Variants in TNFRSF8 observed in about 807,000 individuals in gnomAD.
The protein encoded by TNFRSF8 is TNF receptor superfamily member 8.
A neutral mutation model predicts 70.8 loss-of-function variants in TNFRSF8; 26 were observed. The ratio of observed to expected loss-of-function variants is 0.37; its 90% CI spans 0.27 to 0.51. The LOEUF (loss-of-function observed/expected upper bound fraction) is 0.51. TNFRSF8 is among the 20% of genes least tolerant of loss of function. TNFRSF8 has a pLI of 0.94. For missense variants in TNFRSF8, 720 were observed against 807.9 expected, an observed-to-expected ratio of 0.89 and a Z score of 1.32; for synonymous variants, 356 against 339.2, an observed-to-expected ratio of 1.05 and a Z score of -0.54.
chr1:12,110,035 C>T lies in TNFRSF8; in HGVS notation c.513-6C>T, dbSNP rs758625940. ...TTATCAGTCCCATCTCTGGCTTCTT[C>T]CCCAGTGGCACCATCCCCCAGGCCA... On this transcript the variant is annotated splice_region_variant and splice_polypyrimidine_tract_variant and intron_variant, in intron 5 of 14. Coordinates refer to ENST00000263932, the MANE Select transcript of TNFRSF8 (RefSeq NM_001243.5). This position sits in a 1 kb window ranked among gnomAD's most constrained non-coding sequence, Gnocchi z 4.0. The T allele has an allele frequency of 6.2e-7, 1 of 1,612,120 alleles. No individual in the cohort carries two copies. Among genetic ancestry groups the T allele is most frequent in the Admixed American group, 1.7e-5 (1 of 59,726 alleles).
chr1:12,076,103 CTTTTT>C (rs146740361), intron 1 of TNFRSF8, among the ~76,000 whole-genome samples: 4 of 96,376 alleles, frequency 4.2e-5, no homozygotes, highest in South Asian at 2.8e-4. Context: ...TTTTCTTTTT[CTTTTT>C]TTTTTTTTTG....
At position 12,110,003 on chromosome 1, in the gene TNFRSF8, G is replaced by A. The variant is rs756601731; in HGVS notation, c.513-38G>A. 4 of 1,603,884 alleles carry A rather than the reference G, an allele frequency of 2.5e-6. No individual in the cohort carries two copies. The highest frequency in any genetic ancestry group is 2.7e-5 in the African/African-American group (2 of 74,874). On this transcript the variant is annotated intron_variant, in intron 5 of 14. Transcript: ENST00000263932. The surrounding 1 kb of genome is among the most constrained non-coding windows in gnomAD (Gnocchi z 4.0). The stretch of plus-strand genomic sequence containing the variant: ...GAGCACAGGCCTCCCTTGCCCCATT[G>A]GCAGAATTATCAGTCCCATCTCTGG...
chr1:12,084,385 C>A (rs1000750515), intron 1 of TNFRSF8, 79 bp from the exon 2 acceptor site: 42 of 1,297,434 alleles, frequency 3.2e-5, no homozygotes, highest in Non-Finnish European at 4.4e-5. Flanking sequence ...CCGTCTCAGG[C>A]CTCCTGGGAC....
At chr1:12,099,775 A>G (rs905384342) in intron 3 of TNFRSF8, among the ~76,000 whole-genome samples, 17 of 151,956 alleles carry the variant, frequency 1.1e-4, no homozygotes, top group Non-Finnish European at 2.1e-4. Context: ...TTTTGCTCCT[A>G]AGCTACAACT....
At chr1:12,139,056 G>A (rs2101049863) in intron 14 of TNFRSF8, among the ~76,000 whole-genome samples, 2 of 152,304 alleles carry the variant, frequency 1.3e-5, no homozygotes, top group South Asian at 4.1e-4. Flanking sequence ...CTGCCAGCCT[G>A]GACAGACATT....
chr1:12,109,101 C>T lies in TNFRSF8; in HGVS notation c.422-465C>T, dbSNP rs897843925. Among the ~76,000 whole-genome samples, 1 of 152,198 alleles carries T rather than the reference C, an allele frequency of 6.6e-6. No individual in the cohort carries two copies. The highest frequency in any genetic ancestry group is 2.4e-5 in the African/African-American group (1 of 41,446). ...ATTTCCCTCTCTGTTGGTTCATCGG[C>T]AAGATACTTACAAGCAGCTCTGCCC... On this transcript the variant is annotated intron_variant, in intron 4 of 14. Coordinates refer to ENST00000263932, the MANE Select transcript of TNFRSF8 (RefSeq NM_001243.5). The surrounding 1 kb of genome is among the most constrained non-coding windows in gnomAD (Gnocchi z 4.4).
intron 12 of TNFRSF8, among the ~76,000 whole-genome samples, chr1:12,133,460 G>A (rs1227576451): frequency 1.3e-5 from 2 of 152,032 alleles, no homozygotes; most frequent in South Asian, 2.1e-4. Context: ...AATGTGCCTC[G>A]GCCGGGTGCC....
chr1:12,064,515 G>A (rs1053041984), intron 1 of TNFRSF8, among the ~76,000 whole-genome samples: 1 of 152,110 alleles, frequency 6.6e-6, no homozygotes, highest in African/African-American at 2.4e-5. Context: ...GATGCCTGCT[G>A]AATGATACAG....
chr1:12,118,405 C>T (rs1641772830), intron 8 of TNFRSF8, among the ~76,000 whole-genome samples: 1 of 152,198 alleles, frequency 6.6e-6, no homozygotes, highest in African/African-American at 2.4e-5. Context: ...GCCACCGCAC[C>T]CGGCCAAGCA....
At position 12,130,923 on chromosome 1, in the gene TNFRSF8, A is replaced by G. The variant is rs185582498; in HGVS notation, c.1310-4665A>G. Among the ~76,000 whole-genome samples, 566 of 152,370 alleles carry G rather than the reference A, an allele frequency of 3.7e-3. 5 individuals are homozygous for G. Among genetic ancestry groups the G allele is most frequent in the African/African-American group, 0.013 (545 of 41,580 alleles). The stretch of plus-strand genomic sequence containing the variant: ...GCAAGATTTGTTCTGGGTCTTTATC[A>G]AAATCCTCATGGGTTGTAACACGGC... On this transcript the variant is annotated intron_variant, in intron 12 of 14. Transcript: ENST00000263932.
At chr1:12,104,191 T>G (rs1287651973) in intron 3 of TNFRSF8, among the ~76,000 whole-genome samples, 188 bp from the exon 4 acceptor site, 1 of 152,194 alleles carries the variant, frequency 6.6e-6, no homozygotes, top group Non-Finnish European at 1.5e-5. Context: ...TTTTTTATTT[T>G]TTTGCATTTT....
At position 12,115,440 on chromosome 1, in the gene TNFRSF8, C is replaced by T. The variant is rs540518443; in HGVS notation, c.794-137C>T. ...TGAGCATGCTGGGAGAGCTGCTCAA[C>T]GGCATAGTCAGACGAGCATTTATTT... On this transcript the variant is annotated intron_variant, in intron 7 of 14. Coordinates refer to ENST00000263932, the MANE Select transcript of TNFRSF8 (RefSeq NM_001243.5). 107 of 966,988 alleles carry T rather than the reference C, an allele frequency of 1.1e-4. 1 individual carries two copies. The highest frequency in any genetic ancestry group is 8.7e-4 in the African/African-American group (54 of 62,026). 59.9% of individuals were successfully genotyped at this position (966,988 alleles called of 1,614,324 possible).
intron 9 of TNFRSF8, among the ~76,000 whole-genome samples, 166 bp downstream of exon 9, chr1:12,123,543 A>G (rs1232904640): frequency 6.6e-6 from 1 of 152,244 alleles, no homozygotes; most frequent in Non-Finnish European, 1.5e-5. Flanking sequence ...TTGGAAAGCC[A>G]GAAGGCCTTG....
chr1:12,094,745 C>T lies in TNFRSF8; in HGVS notation c.152-2356C>T, dbSNP rs528709349. On this transcript the variant is annotated intron_variant, in intron 2 of 14. Transcript: ENST00000263932. ...GGTTCAAGCAATTCTCCTGCCTCAG[C>T]CTCCTGAGTAGCTGGGATTACAGGA... is the stretch of plus-strand genomic sequence containing the variant. Among the ~76,000 whole-genome samples the T allele has an allele frequency of 6.6e-5, 10 of 151,982 alleles. 1 individual carries two copies. The highest frequency in any genetic ancestry group is 1.0e-4 in the Non-Finnish European group (7 of 67,978).
At chr1:12,129,683 C>T (rs754826190) in intron 12 of TNFRSF8, among the ~76,000 whole-genome samples, 2 of 152,096 alleles carry the variant, frequency 1.3e-5, no homozygotes, top group Non-Finnish European at 2.9e-5. Context: ...CTGGAAGGTC[C>T]CAGGAATGAT....
chr1:12,104,651 C>T (rs1161796321), intron 4 of TNFRSF8, 120 bp downstream of exon 4: 1 of 1,271,786 alleles, frequency 7.9e-7, no homozygotes, highest in Admixed American at 2.0e-5. Context: ...TTGGACAGAT[C>T]ATGTCTCCTT....
chr1:12,129,552 C>T (rs559565271), intron 12 of TNFRSF8, among the ~76,000 whole-genome samples: 166 of 152,320 alleles, frequency 1.1e-3, no homozygotes, highest in African/African-American at 3.6e-3. Flanking sequence ...TGTCCGGATC[C>T]GTTCCCCAGG....
In TNFRSF8 at chr1:12,109,789, T is replaced by A; in HGVS notation, c.512+133T>A. ...GATTCAGCCCATGGTGTCAGCACTT[T>A]GGGGTGCCTCTCTGCCAAGCCCCTC... On this transcript the variant is annotated intron_variant, in intron 5 of 14. Transcript: ENST00000263932. The surrounding 1 kb of genome is among the most constrained non-coding windows in gnomAD (Gnocchi z 4.4). 1 of 860,140 alleles carries A rather than the reference T, an allele frequency of 1.2e-6. No homozygotes were observed. Among genetic ancestry groups the A allele is most frequent in the Non-Finnish European group, 1.8e-6 (1 of 547,404 alleles). The allele number at this position is 860,140 out of a possible 1,614,324, so 53.3% of individuals were successfully genotyped here. A position where few individuals can be genotyped will look rare whatever the true frequency, so the allele number is the denominator to read the frequency against.
chr1:12,084,382 A>G, intron 1 of TNFRSF8, 82 bp from the exon 2 acceptor site: 1 of 1,279,350 alleles, frequency 7.8e-7, no homozygotes, highest in Non-Finnish European at 1.1e-6. Flanking sequence ...GCTCCGTCTC[A>G]GGCCTCCTGG....
Sources: allele counts gnomAD v4.1 joint callset (sites outside exome capture counted in the v4.1 genomes callset), GRCh38; gene constraint gnomAD v4.1.1; non-coding constraint Gnocchi (gnomAD v3.1); transcripts MANE v1.5; gene names NCBI Gene and HGNC (gene_info 2026-07-23, HGNC 2026-07-21).